ICE1: variants seen among roughly 807,000 people sequenced by gnomAD.
ICE1 encodes the protein little elongation complex subunit 1.
ICE1 carries 64 observed loss-of-function variants against 192.7 expected under a neutral mutation model. The observed-to-expected ratio is 0.33, with a 90% CI of 0.27 to 0.41. The LOEUF is 0.41. ICE1 is among the 10% of genes least tolerant of loss of function. The probability of loss-of-function intolerance (pLI) is 1.00; values close to 1 mark genes in which losing one functional copy is unlikely to be tolerated. For synonymous variants in ICE1, 1,010 were observed against 984.5 expected, an observed-to-expected ratio of 1.03 and a Z score of -0.49; for missense variants, 2,708 against 2,696.0, an observed-to-expected ratio of 1.00 and a Z score of -0.10.
rs769429009 is a variant in ICE1 at position 5,457,450 on chromosome 5, C to T, written c.810C>T (p.Ser270=). 4 of 1,613,668 alleles carry T rather than the reference C, an allele frequency of 2.5e-6. No individual in the cohort carries two copies. In the African/African-American group the frequency reaches 4.0e-5, roughly 16 times the overall value. Residue 270 remains serine, a synonymous_variant, in exon 12 of 19, where the codon TCC becomes TCT. Coordinates refer to ENST00000296564, the MANE Select transcript of ICE1 (RefSeq NM_015325.3). ...TGCAGACATGCCTCACAAAACTGTC[C>T]ATGGAGATAAAGGAGGACTTTTTAT... ...SNVQTCLTKL[S]MEIKEDFLCQ...
rs1739294214 is a variant in ICE1 at position 5,476,012 on chromosome 5, C to T, written c.6453C>T (p.Tyr2151=). ...LWPVMDKWIK[Y]RKGHANIAYT... is the part of the protein sequence containing the mutation. ...CTGTGATGGATAAATGGATAAAATA[C>T]AGAAAAGGACATGCAAACATTGCGT... Residue 2151 remains tyrosine, a synonymous_variant, in exon 17 of 19, where the codon TAC becomes TAT. Coordinates refer to ENST00000296564, the MANE Select transcript of ICE1 (RefSeq NM_015325.3). The T allele has an allele frequency of 6.2e-7, 1 of 1,611,424 alleles. No individual in the cohort carries two copies. Among genetic ancestry groups the T allele is most frequent in the Admixed American group, 1.7e-5 (1 of 59,806 alleles).
At chr5:5,469,797 A>G (rs1739102810) in intron 15 of ICE1, among the ~76,000 whole-genome samples, 1 of 152,182 alleles carries the variant, frequency 6.6e-6, no homozygotes, top group Non-Finnish European at 1.5e-5. Context: ...TTAAAAAGCA[A>G]GTTTGTAATG....
chr5:5,423,963 A>G (rs1400478886), intron 1 of ICE1, among the ~76,000 whole-genome samples: 2 of 152,128 alleles, frequency 1.3e-5, no homozygotes, highest in Admixed American at 1.3e-4. Flanking sequence ...TCTTAGCTAG[A>G]GTAGTCAGGT....
At chr5:5,425,025 A>G (rs536428491) in intron 1 of ICE1, among the ~76,000 whole-genome samples, 2 of 152,324 alleles carry the variant, frequency 1.3e-5, no homozygotes, top group East Asian at 1.9e-4. Context: ...TGGATCTGTT[A>G]TGGTTAAATT....
chr5:5,427,232 A>C (rs1737552477), intron 1 of ICE1, among the ~76,000 whole-genome samples: 1 of 152,172 alleles, frequency 6.6e-6, no homozygotes. Context: ...TGTTACGCTC[A>C]TTGATTACAG....
At chr5:5,466,876 G>A (rs1378133983) in intron 14 of ICE1, among the ~76,000 whole-genome samples, 2 of 152,184 alleles carry the variant, frequency 1.3e-5, no homozygotes, top group Non-Finnish European at 2.9e-5. Context: ...GTAAGCTGAT[G>A]AAAAGAAGTA....
intron 13 of ICE1, among the ~76,000 whole-genome samples, chr5:5,465,479 A>G (rs962631646): frequency 6.6e-6 from 1 of 152,208 alleles, no homozygotes; most frequent in Non-Finnish European, 1.5e-5. Flanking sequence ...GTCAGGACTA[A>G]AATTACATAT....
intron 1 of ICE1, among the ~76,000 whole-genome samples, chr5:5,428,826 T>G (rs1737610049): frequency 6.6e-6 from 1 of 152,232 alleles, no homozygotes. Context: ...CATTTAGTCT[T>G]TGTCTTTCAT....
Position 5,463,095 on chromosome 5 carries a change from G to A in ICE1, c.3761G>A (p.Cys1254Tyr), listed in dbSNP as rs967554881. The change falls in exon 13 of 19, where the codon TGT becomes TAT. Residue 1254 changes from cysteine to tyrosine, a missense_variant. This residue lies in a region of ICE1 where 2,366 missense variants were observed against 2,276.6 expected (regional missense o/e 1.04). Coordinates refer to ENST00000296564, the MANE Select transcript of ICE1 (RefSeq NM_015325.3). ...SLKNTSQLTQ[C>Y]SLETLSEVLT... is the part of the protein sequence containing the mutation. ...AAAAATACAAGTCAGCTCACTCAGT[G>A]TTCTTTGGAAACTCTGTCTGAGGTT... The A allele has an allele frequency of 4.3e-6, 7 of 1,613,260 alleles. No homozygotes were observed. Among genetic ancestry groups the A allele is most frequent in the Middle Eastern group, 1.6e-4 (1 of 6,084 alleles).
chr5:5,452,163 A>T lies in ICE1; in HGVS notation c.605-2389A>T, dbSNP rs868196384. Among the ~76,000 whole-genome samples, 366 of 133,094 alleles carry T rather than the reference A, an allele frequency of 2.7e-3. 2 individuals are homozygous for T. Among genetic ancestry groups the T allele is most frequent in the Middle Eastern group, 7.8e-3 (2 of 256 alleles). The allele number at this position is 133,094 out of a possible 152,430, so 87.3% of individuals were successfully genotyped here. On this transcript the variant is annotated intron_variant, in intron 10 of 18. Coordinates refer to ENST00000296564, the MANE Select transcript of ICE1 (RefSeq NM_015325.3). ...GGCAAGCATGCTTTTTGTTTGTTCC[A>T]TTTTTTTTTTTTTTTTTTTTTGTAC...
intron 3 of ICE1, 106 bp from the exon 4 acceptor site, chr5:5,439,789 G>A: frequency 1.5e-6 from 1 of 683,058 alleles, no homozygotes; most frequent in East Asian, 3.0e-5. Context: ...GATCTTGCCT[G>A]TATATATGTT....
rs550011699 is a variant in ICE1 at position 5,483,167 on chromosome 5, G to GT, written c.6521-3546dup. On this transcript the variant is annotated intron_variant, in intron 17 of 18. Transcript: ENST00000296564. ...CACCATGCTCGGCTAATTTTTTGTTGTTTTTTTTAGTAGAGACAGAGTTTC... is the reference window on the plus strand; with the variant it reads ...CACCATGCTCGGCTAATTTTTTGTTGTTTTTTTTTAGTAGAGACAGAGTTTC... 1.3e-3 allele frequency among the ~76,000 whole-genome samples: 190 copies of GT among 151,608 alleles called. 1 individual carries two copies. Among genetic ancestry groups the GT allele is most frequent in the Admixed American group, 4.1e-3 (62 of 15,212 alleles).
intron 17 of ICE1, among the ~76,000 whole-genome samples, chr5:5,479,366 A>C (rs752068193): frequency 5.9e-5 from 9 of 152,246 alleles, no homozygotes; most frequent in Non-Finnish European, 7.3e-5. Context: ...TGGTTATTAG[A>C]GAAACGCAAA....
intron 12 of ICE1, among the ~76,000 whole-genome samples, chr5:5,458,924 G>C (rs1306950184): frequency 6.6e-6 from 1 of 152,026 alleles, no homozygotes; most frequent in Admixed American, 6.6e-5. Context: ...CCAGACTGGA[G>C]CACAGTGGCG....
chr5:5,439,930 C>T lies in ICE1; in HGVS notation c.197+17C>T. 6.5e-7 allele frequency: 1 copy of T among 1,540,554 alleles called. No homozygotes were observed. On this transcript the variant is annotated intron_variant, in intron 4 of 18. Transcript: ENST00000296564. Reference sequence around the variant, plus strand: ...TGCAAGAAGGTGAGCCAACCTGTTTCATAGTTTATGATACCACCTATATGA... The same window carrying T: ...TGCAAGAAGGTGAGCCAACCTGTTTTATAGTTTATGATACCACCTATATGA...
chr5:5,453,071 G>C (rs1051598701), intron 10 of ICE1, among the ~76,000 whole-genome samples: 1 of 152,098 alleles, frequency 6.6e-6, no homozygotes, highest in Non-Finnish European at 1.5e-5. Flanking sequence ...CTGGATGATA[G>C]CCTCCATAAG....
rs759449835 is a variant in ICE1, at chr5:5,462,732, T to C, written c.3398T>C (p.Leu1133Ser). The part of the protein sequence containing the change: ...QDAPDDSQKN[L>S]GDTDAAVAEV... ...GCTCCTGATGACTCACAGAAAAATT[T>C]AGGAGACACAGATGCTGCTGTAGCC... The change falls in exon 13 of 19, where the codon TTA becomes TCA. Residue 1133 changes from leucine to serine, a missense_variant. By Grantham distance (145) the Leu-to-Ser change is moderately radical (BLOSUM62 -2). Coordinates refer to ENST00000296564, the MANE Select transcript of ICE1 (RefSeq NM_015325.3). 4.3e-6 allele frequency: 7 copies of C among 1,613,636 alleles called. No individual in the cohort carries two copies. In the East Asian group the frequency reaches 1.1e-4, roughly 26 times the overall value.
rs1157963802 is a variant in ICE1, at chr5:5,489,651, T to C, written c.*321T>C. 3 of 189,844 alleles carry C rather than the reference T, an allele frequency of 1.6e-5. No individual in the cohort carries two copies. The highest frequency in any genetic ancestry group is 3.2e-5 in the Non-Finnish European group (3 of 93,654). The allele number at this position is 189,844 out of a possible 1,614,324, so 11.8% of individuals were successfully genotyped here. On this transcript the variant is annotated 3_prime_UTR_variant, in exon 19 of 19. Coordinates refer to ENST00000296564, the MANE Select transcript of ICE1 (RefSeq NM_015325.3). Reference sequence around the variant, plus strand: ...CAGAAAGTGTCCTTTTAGTGGCTTCTTAAAATTGAGTGGCATTTTATAATG... The same window carrying C: ...CAGAAAGTGTCCTTTTAGTGGCTTCCTAAAATTGAGTGGCATTTTATAATG...
In ICE1 at chr5:5,422,714, T is replaced by G; in HGVS notation, c.-202T>G. ...GCTCGGGGGCCGCGCCGGGTAGCGT[T>G]TCTTTTTAGTGCCTGAGGCAGCTCT... is the stretch of plus-strand genomic sequence containing the variant. On this transcript the variant is annotated 5_prime_UTR_variant, in exon 1 of 19. Coordinates refer to ENST00000296564, the MANE Select transcript of ICE1 (RefSeq NM_015325.3). 5.7e-6 allele frequency: 2 copies of G among 353,620 alleles called. No individual in the cohort carries two copies. The allele number at this position is 353,620 out of a possible 1,614,324, so 21.9% of individuals were successfully genotyped here.
Sources: allele counts gnomAD v4.1 joint callset (sites outside exome capture counted in the v4.1 genomes callset), GRCh38; gene constraint gnomAD v4.1.1; regional missense constraint gnomAD v4.1.1; transcripts MANE v1.5; gene names NCBI Gene and HGNC (gene_info 2026-07-23, HGNC 2026-07-21).